The following PDZD2 variants were observed in gnomAD, a reference collection of about 807,000 sequenced individuals.
The protein encoded by PDZD2 is PDZ domain containing 2, also known as PDZ domain-containing protein 2.
PDZD2 carries 90 observed loss-of-function variants against 220.7 expected under a neutral mutation model. That is an observed-to-expected ratio of 0.41 (90% CI 0.34 to 0.49). The LOEUF (loss-of-function observed/expected upper bound fraction) is 0.49, where lower values mean the gene tolerates loss of function less well. Ranked by LOEUF, PDZD2 falls within the 20% of genes least tolerant of loss-of-function variation. PDZD2 has a pLI of 0.28. For missense variants in PDZD2, 3,174 were observed against 3,608.5 expected, an observed-to-expected ratio of 0.88 and a Z score of 3.08; for synonymous variants, 1,375 against 1,450.5, an observed-to-expected ratio of 0.95 and a Z score of 1.18.
intron 1 of PDZD2, among the ~76,000 whole-genome samples, chr5:31,765,488 C>T (rs747542928): frequency 2.0e-5 from 3 of 152,150 alleles, no homozygotes; most frequent in African/African-American, 4.8e-5. Context: ...ATTTCCTGCC[C>T]GCCCCTGTTC....
chr5:31,792,436 T>G (rs1298754160), intron 1 of PDZD2, among the ~76,000 whole-genome samples: 1 of 152,172 alleles, frequency 6.6e-6, no homozygotes, highest in Non-Finnish European at 1.5e-5. Context: ...TTTTGTTTTT[T>G]TAGACAGAGT....
At chr5:31,956,758 C>CAAAAA (rs70957986) in intron 2 of PDZD2, among the ~76,000 whole-genome samples, 9 of 73,704 alleles carry the variant, frequency 1.2e-4, no homozygotes, top group Non-Finnish European at 1.7e-4. Flanking sequence ...GACTCCATCT[C>CAAAAA]AAAAAAAAAA....
chr5:31,972,988 TTC>T (rs1749440672), intron 2 of PDZD2, among the ~76,000 whole-genome samples: 1 of 152,212 alleles, frequency 6.6e-6, no homozygotes, highest in Non-Finnish European at 1.5e-5. Context: ...AGCCTAGAGA[TTC>T]TCTCTCTTTT....
chr5:31,667,470 G>A (rs569663672), intron 1 of PDZD2, among the ~76,000 whole-genome samples: 14 of 152,170 alleles, frequency 9.2e-5, no homozygotes, highest in Non-Finnish European at 1.9e-4. Flanking sequence ...AAGGGACTAC[G>A]GAGGGATGGA....
chr5:31,728,303 T>TCA (rs953564513), intron 1 of PDZD2, among the ~76,000 whole-genome samples: 6 of 151,810 alleles, frequency 4.0e-5, no homozygotes, highest in African/African-American at 9.7e-5. Flanking sequence ...GGGAGCAAAA[T>TCA]CACACACACA....
chr5:31,851,222 C>T (rs1333740136), intron 2 of PDZD2, among the ~76,000 whole-genome samples: 1 of 152,130 alleles, frequency 6.6e-6, no homozygotes, highest in Non-Finnish European at 1.5e-5. Flanking sequence ...TGGACATACC[C>T]CCACCCCCCA....
intron 6 of PDZD2, among the ~76,000 whole-genome samples, chr5:32,017,078 C>T (rs567859271): frequency 6.6e-6 from 1 of 152,248 alleles, no homozygotes; most frequent in South Asian, 2.1e-4. Context: ...CCGCAATGCC[C>T]CCTGCATACC....
At chr5:31,840,829 G>C in intron 2 of PDZD2, 1 of 748,744 alleles carries the variant, frequency 1.3e-6, no homozygotes, top group South Asian at 1.4e-5. Flanking sequence ...GTTCCTTTTT[G>C]AACAGTACCC....
intron 2 of PDZD2, among the ~76,000 whole-genome samples, chr5:31,852,199 A>G (rs1231040371): frequency 6.6e-6 from 1 of 152,140 alleles, no homozygotes; most frequent in Non-Finnish European, 1.5e-5. Flanking sequence ...CCCCAGACTG[A>G]GCTGAGGCAA....
chr5:31,899,375 C>T (rs764232632), intron 2 of PDZD2, among the ~76,000 whole-genome samples: 1 of 152,062 alleles, frequency 6.6e-6, no homozygotes, highest in Admixed American at 6.6e-5. Context: ...GCAAGTGATC[C>T]GCCCACCTCA....
intron 1 of PDZD2, among the ~76,000 whole-genome samples, chr5:31,758,032 C>G (rs6888920): frequency 2.6e-5 from 4 of 152,042 alleles, no homozygotes; most frequent in African/African-American, 9.7e-5. Flanking sequence ...CTTCTGCCCA[C>G]AGCAGTCCCT....
chr5:31,706,152 G>A (rs999055053), intron 1 of PDZD2, among the ~76,000 whole-genome samples: 1 of 152,210 alleles, frequency 6.6e-6, no homozygotes, highest in East Asian at 1.9e-4. Flanking sequence ...ACGGCTGAAT[G>A]TAGTAGGTAT....
At chr5:31,772,336 A>T (rs1314141162) in intron 1 of PDZD2, among the ~76,000 whole-genome samples, 2 of 152,294 alleles carry the variant, frequency 1.3e-5, no homozygotes, top group East Asian at 3.9e-4. Flanking sequence ...CTCTCTTTAA[A>T]ATAGCCAATA....
At chr5:31,927,447 C>T (rs1298666294) in intron 2 of PDZD2, among the ~76,000 whole-genome samples, 2 of 152,156 alleles carry the variant, frequency 1.3e-5, no homozygotes, top group African/African-American at 4.8e-5. Context: ...TGCAGTGGCA[C>T]TATCTCGCTC....
chr5:31,910,276 A>G (rs916064543), intron 2 of PDZD2, among the ~76,000 whole-genome samples: 4 of 141,434 alleles, frequency 2.8e-5, no homozygotes, highest in African/African-American at 5.3e-5. Context: ...CTGGAGTACA[A>G]TGGTGTGACC....
chr5:31,940,485 C>G (rs1475305386), intron 2 of PDZD2, among the ~76,000 whole-genome samples: 2 of 152,204 alleles, frequency 1.3e-5, no homozygotes, highest in African/African-American at 4.8e-5. Context: ...CTTTCAGGAT[C>G]TCTTCCTGTA....
intron 1 of PDZD2, among the ~76,000 whole-genome samples, chr5:31,683,640 G>A (rs1357082110): frequency 6.6e-6 from 1 of 152,108 alleles, no homozygotes; most frequent in African/African-American, 2.4e-5. Context: ...GCTCATAAAG[G>A]TTTCCTGCAT....
intron 2 of PDZD2, among the ~76,000 whole-genome samples, chr5:31,904,754 T>C (rs1406759370): frequency 6.6e-6 from 1 of 151,858 alleles, no homozygotes; most frequent in Non-Finnish European, 1.5e-5. Flanking sequence ...CCAATATGTC[T>C]TTTTTAAAAA....
At chr5:32,055,426 G>A (rs1739005416) in intron 10 of PDZD2, among the ~76,000 whole-genome samples, 1 of 151,936 alleles carries the variant, frequency 6.6e-6, no homozygotes, top group Admixed American at 6.6e-5. Flanking sequence ...CGAACTCCTG[G>A]CCTCAAGTGA....
Sources: allele counts gnomAD v4.1 joint callset (sites outside exome capture counted in the v4.1 genomes callset), GRCh38; gene constraint gnomAD v4.1.1; transcripts MANE v1.5; gene names NCBI Gene and HGNC (gene_info 2026-07-23, HGNC 2026-07-21).